Variants in PTPRK observed in about 807,000 individuals in gnomAD.
PTPRK encodes protein tyrosine phosphatase receptor type K, also known as receptor-type tyrosine-protein phosphatase kappa.
Under a neutral mutation model 178.0 loss-of-function variants are expected in PTPRK, and 75 were observed. The observed-to-expected ratio is 0.42, with a 90% confidence interval of 0.35 to 0.51. The LOEUF is 0.51. Among genes scored for constraint, PTPRK ranks in the 20% least tolerant of loss-of-function variants. The probability of loss-of-function intolerance (pLI) is 0.02; values close to 1 mark genes in which losing one functional copy is unlikely to be tolerated. For missense variants in PTPRK, 1,441 were observed against 1,797.8 expected (o/e 0.80, Z 3.59); for synonymous variants, 637 against 620.6 (o/e 1.03, Z -0.39).
intron 7 of PTPRK, among the ~76,000 whole-genome samples, chr6:128,159,508 C>T (rs1208521579): frequency 6.6e-6 from 1 of 151,742 alleles, no homozygotes; most frequent in Non-Finnish European, 1.5e-5. Context: ...GTTTCCTACT[C>T]ACGGGTTGTA....
chr6:128,495,174 C>A (rs1393829173), intron 1 of PTPRK, among the ~76,000 whole-genome samples: 1 of 152,062 alleles, frequency 6.6e-6, no homozygotes. Flanking sequence ...AGGCAAAGAA[C>A]TTCAAAAATA....
At chr6:128,081,339 T>C (rs1784778409) in intron 10 of PTPRK, among the ~76,000 whole-genome samples, 1 of 152,010 alleles carries the variant, frequency 6.6e-6, no homozygotes, top group Admixed American at 6.6e-5. Context: ...AATATTAAGA[T>C]AAATCAAATG....
chr6:128,463,223 T>G (rs1849307967), intron 1 of PTPRK, among the ~76,000 whole-genome samples: 1 of 152,180 alleles, frequency 6.6e-6, no homozygotes, highest in Non-Finnish European at 1.5e-5. Context: ...GTTCAGAATT[T>G]ATTCACAACT....
At chr6:128,129,362 C>T (rs1793861788) in intron 7 of PTPRK, among the ~76,000 whole-genome samples, 1 of 152,100 alleles carries the variant, frequency 6.6e-6, no homozygotes, top group African/African-American at 2.4e-5. Context: ...AAAATTATTT[C>T]TTGCCTTATT....
chr6:128,410,270 T>C (rs1842150190), intron 1 of PTPRK, among the ~76,000 whole-genome samples: 1 of 152,180 alleles, frequency 6.6e-6, no homozygotes, highest in African/African-American at 2.4e-5. Context: ...GACTGCTGTA[T>C]CTAGAAGGAA....
intron 3 of PTPRK, among the ~76,000 whole-genome samples, chr6:128,304,339 T>C (rs1261823598): frequency 1.3e-5 from 2 of 152,196 alleles, no homozygotes; most frequent in East Asian, 3.8e-4. Context: ...TTAGCAACTA[T>C]ATTTTAGCTT....
At chr6:128,011,874 C>T (rs973546416) in intron 13 of PTPRK, among the ~76,000 whole-genome samples, 1 of 150,992 alleles carries the variant, frequency 6.6e-6, no homozygotes, top group African/African-American at 2.4e-5. Flanking sequence ...CTTTCATAAT[C>T]TATTATGCAA....
At chr6:127,994,025 T>C (rs1214672409) in intron 18 of PTPRK, among the ~76,000 whole-genome samples, 1 of 151,750 alleles carries the variant, frequency 6.6e-6, no homozygotes, top group Non-Finnish European at 1.5e-5. Context: ...TTGATTTTTT[T>C]ATTCTAAAAA....
At chr6:128,300,767 A>G (rs1223639815) in intron 3 of PTPRK, among the ~76,000 whole-genome samples, 1 of 151,898 alleles carries the variant, frequency 6.6e-6, no homozygotes, top group East Asian at 1.9e-4. Flanking sequence ...GCTAAATGAC[A>G]AGTTAATGGG....
chr6:128,074,394 T>C (rs1476817151), intron 11 of PTPRK, among the ~76,000 whole-genome samples: 1 of 152,024 alleles, frequency 6.6e-6, no homozygotes, highest in Non-Finnish European at 1.5e-5. Flanking sequence ...CTATATTGGG[T>C]CAATCTTTTA....
At chr6:128,100,444 G>C (rs2114260462) in intron 7 of PTPRK, among the ~76,000 whole-genome samples, 1 of 152,018 alleles carries the variant, frequency 6.6e-6, no homozygotes, top group South Asian at 2.1e-4. Flanking sequence ...AGCTTTCATA[G>C]TGCTGCTATA....
intron 3 of PTPRK, among the ~76,000 whole-genome samples, chr6:128,254,843 A>C (rs1226342133): frequency 6.6e-6 from 1 of 152,192 alleles, no homozygotes; most frequent in African/African-American, 2.4e-5. Context: ...GGGTTGAAGC[A>C]GAGAAATTAA....
At chr6:128,479,621 A>G (rs1851803985) in intron 1 of PTPRK, among the ~76,000 whole-genome samples, 1 of 152,156 alleles carries the variant, frequency 6.6e-6, no homozygotes, top group Non-Finnish European at 1.5e-5. Flanking sequence ...CCTTCCTAAG[A>G]GAGAGATGCT....
chr6:128,028,227 A>G (rs1774661751), intron 13 of PTPRK, among the ~76,000 whole-genome samples: 1 of 152,210 alleles, frequency 6.6e-6, no homozygotes, highest in Admixed American at 6.5e-5. Flanking sequence ...ACAAGTCACA[A>G]TCTTTGCAAT....
At chr6:128,019,861 G>A (rs563764550) in intron 13 of PTPRK, among the ~76,000 whole-genome samples, 3 of 152,286 alleles carry the variant, frequency 2.0e-5, no homozygotes, top group Admixed American at 1.3e-4. Context: ...GGAGCTGAGA[G>A]AAGACCTTTC....
chr6:128,035,534 T>C (rs536218944), intron 13 of PTPRK, among the ~76,000 whole-genome samples: 2 of 152,302 alleles, frequency 1.3e-5, no homozygotes, highest in Non-Finnish European at 2.9e-5. Flanking sequence ...CTTGAAGATA[T>C]ACTCATAAAA....
chr6:128,297,421 C>A (rs1242162566), intron 3 of PTPRK, among the ~76,000 whole-genome samples: 1 of 152,178 alleles, frequency 6.6e-6, no homozygotes, highest in Admixed American at 6.6e-5. Context: ...ACAGAATATA[C>A]ATTTTTTTCA....
intron 21 of PTPRK, among the ~76,000 whole-genome samples, chr6:127,986,350 G>C (rs117962862): frequency 0.012 from 1,884 of 152,244 alleles, 14 homozygotes; most frequent in Non-Finnish European, 0.019. Context: ...AGCATGTAGG[G>C]ATTTTCCAGG....
At chr6:128,096,613 G>A (rs1358908251) in intron 7 of PTPRK, among the ~76,000 whole-genome samples, 4 of 152,034 alleles carry the variant, frequency 2.6e-5, no homozygotes, top group Admixed American at 6.6e-5. Context: ...CCCAAAGCTC[G>A]TGCCAAGGAA....
Sources: gnomAD v4.1 joint callset for allele counts (sites outside exome capture counted in the v4.1 genomes callset) on GRCh38, gnomAD v4.1.1 for gene constraint, MANE v1.5 for transcripts, NCBI Gene and HGNC (gene_info 2026-07-23, HGNC 2026-07-21) for gene names.